PLAA: variants seen among roughly 807,000 people sequenced by gnomAD.
The protein encoded by PLAA is phospholipase A-2-activating protein.
Under a neutral mutation model 84.1 loss-of-function variants are expected in PLAA, and 48 were observed. That is an observed-to-expected ratio of 0.57 (90% CI 0.45 to 0.73). The LOEUF is 0.73. Ranked by LOEUF, PLAA falls within the 30% of genes least tolerant of loss-of-function variation. The pLI is 0.00. For synonymous variants in PLAA, 392 were observed against 336.6 expected, an observed-to-expected ratio of 1.16 and a Z score of -1.80; for missense variants, 903 against 954.7, an observed-to-expected ratio of 0.95 and a Z score of 0.71.
chr9:26,934,905 A>G (rs1242406666), intron 2 of PLAA, 108 bp downstream of exon 2: 2 of 808,296 alleles, frequency 2.5e-6, no homozygotes, highest in African/African-American at 1.8e-5. Flanking sequence ...AACCACAGAT[A>G]TAGGTAAAAC....
chr9:26,918,679 T>C (rs1212072212), intron 9 of PLAA, among the ~76,000 whole-genome samples: 1 of 152,180 alleles, frequency 6.6e-6, no homozygotes, highest in Non-Finnish European at 1.5e-5. Context: ...AAAGTGCCTA[T>C]CTCAAAATGT....
chr9:26,945,527 G>C (rs1487452467), intron 1 of PLAA, among the ~76,000 whole-genome samples: 1 of 152,116 alleles, frequency 6.6e-6, no homozygotes, highest in Non-Finnish European at 1.5e-5. Context: ...TAGCCTAGTG[G>C]ACCATCTTGT....
At chr9:26,918,701 G>C (rs748278197) in intron 9 of PLAA, among the ~76,000 whole-genome samples, 1 of 152,080 alleles carries the variant, frequency 6.6e-6, no homozygotes, top group Non-Finnish European at 1.5e-5. Flanking sequence ...ATTTAGAGGA[G>C]GCATTTTATT....
In PLAA at chr9:26,929,284, G is replaced by GT. The variant is rs1825090555; in HGVS notation, c.344-877dup. ...CTAGCATTTTGAACTGAGCTCAGGAGTTTGAGACCAGCCTGGGGCAATATA... is the reference window on the plus strand; with the variant it reads ...CTAGCATTTTGAACTGAGCTCAGGAGTTTTGAGACCAGCCTGGGGCAATATA... On this transcript the variant is annotated intron_variant, in intron 2 of 13. Transcript: ENST00000397292. Among the ~76,000 whole-genome samples the GT allele has an allele frequency of 1.3e-5, 2 of 152,128 alleles. 1 individual carries two copies. The highest frequency in any genetic ancestry group is 4.1e-4 in the South Asian group (2 of 4,824).
At chr9:26,923,801 G>A (rs948413713) in intron 6 of PLAA, among the ~76,000 whole-genome samples, 32 of 151,862 alleles carry the variant, frequency 2.1e-4, no homozygotes, top group Middle Eastern at 3.4e-3. Context: ...TTCAATCAAG[G>A]AAAAAAAATG....
chr9:26,933,556 A>T (rs562389361), intron 2 of PLAA, among the ~76,000 whole-genome samples: 6 of 151,902 alleles, frequency 3.9e-5, no homozygotes, highest in Non-Finnish European at 7.4e-5. Flanking sequence ...TGGAAGGCCG[A>T]GGGGGGCAAA....
intron 11 of PLAA, among the ~76,000 whole-genome samples, chr9:26,912,275 G>C (rs962789590): frequency 6.6e-6 from 1 of 152,204 alleles, no homozygotes; most frequent in African/African-American, 2.4e-5. Flanking sequence ...AAAGAAAACA[G>C]TGAGTTCAAA....
intron 5 of PLAA, 78 bp downstream of exon 5, chr9:26,926,315 C>T: frequency 1.1e-6 from 1 of 893,976 alleles, no homozygotes; most frequent in East Asian, 2.4e-5. Flanking sequence ...GTAATCAGCT[C>T]TCCTCCCTCC....
intron 13 of PLAA, 67 bp downstream of exon 13, chr9:26,907,767 A>G: frequency 7.6e-7 from 1 of 1,315,464 alleles, no homozygotes; most frequent in Admixed American, 2.2e-5. Context: ...AAATACCAGT[A>G]ATATTGATAG....
At chr9:26,917,257 G>A in intron 9 of PLAA, 92 bp from the exon 10 acceptor site, 1 of 986,934 alleles carries the variant, frequency 1.0e-6, no homozygotes, top group East Asian at 2.4e-5. Context: ...ACCTACATTT[G>A]GAGAAAAACA....
rs954164699 is a variant in PLAA, at chr9:26,904,482, TTAAG to T, written c.*1025_*1028del. ...TAGAAAGTATAGCATAGCATGTACT[TTAAG>T]TAGTTAACTCCCTCTTGGCTTCACT... On this transcript the variant is annotated 3_prime_UTR_variant, in exon 14 of 14. Transcript: ENST00000397292. 7 of 152,168 alleles carry T rather than the reference TTAAG, an allele frequency of 4.6e-5. No individual in the cohort carries two copies. Among genetic ancestry groups the T allele is most frequent in the African/African-American group, 1.4e-4 (6 of 41,454 alleles). The allele number at this position is 152,168 out of a possible 1,614,324, so 9.4% of individuals were successfully genotyped here. A position where few individuals can be genotyped will look rare whatever the true frequency, so the allele number is the denominator to read the frequency against.
intron 12 of PLAA, among the ~76,000 whole-genome samples, chr9:26,909,558 T>C (rs1824335754): frequency 1.3e-5 from 2 of 152,140 alleles, no homozygotes; most frequent in Admixed American, 6.5e-5. Flanking sequence ...AAACACTGTA[T>C]TTTGTTTTGA....
chr9:26,925,452 C>T lies in PLAA; in HGVS notation c.869+373G>A, dbSNP rs572810893. 2.0e-5 allele frequency among the ~76,000 whole-genome samples: 3 copies of T among 152,328 alleles called. No individual in the cohort carries two copies. In the South Asian group the frequency reaches 6.2e-4, roughly 32 times the overall value. Reference sequence around the variant, plus strand: ...AGGAAACTTATACTCTTAGCTTTGACAAAAATTTGCGTATCTTTTCTCACT... The same window carrying T: ...AGGAAACTTATACTCTTAGCTTTGATAAAAATTTGCGTATCTTTTCTCACT... On this transcript the variant is annotated intron_variant, in intron 6 of 13. Transcript: ENST00000397292.
At position 26,921,861 on chromosome 9, in the gene PLAA, A is replaced by T. The variant is rs545767999; in HGVS notation, c.1039+1317T>A. On this transcript the variant is annotated intron_variant, in intron 7 of 13. Transcript: ENST00000397292. ...TGTTATTACCACTAGTATCAATACAAATGGGAAGCTACTAAGTTCCTGGTG... is the reference window on the plus strand; with the variant it reads ...TGTTATTACCACTAGTATCAATACATATGGGAAGCTACTAAGTTCCTGGTG... 1.5e-4 allele frequency among the ~76,000 whole-genome samples: 23 copies of T among 152,374 alleles called. No homozygotes were observed. In the South Asian group the frequency reaches 4.6e-3, roughly 30 times the overall value.
At chr9:26,937,198 T>C (rs1825387269) in intron 1 of PLAA, among the ~76,000 whole-genome samples, 1 of 152,164 alleles carries the variant, frequency 6.6e-6, no homozygotes, top group Non-Finnish European at 1.5e-5. Flanking sequence ...ATTTTCCTCT[T>C]CTGGGAGCAA....
intron 13 of PLAA, among the ~76,000 whole-genome samples, chr9:26,906,401 G>A (rs948663824): frequency 1.4e-5 from 2 of 146,742 alleles, no homozygotes; most frequent in South Asian, 2.2e-4. Flanking sequence ...CTGTAAGACC[G>A]AACAATTAAA....
At chr9:26,911,252 A>C (rs1824389780) in intron 11 of PLAA, among the ~76,000 whole-genome samples, 1 of 152,128 alleles carries the variant, frequency 6.6e-6, no homozygotes, top group Non-Finnish European at 1.5e-5. Context: ...TCCTGAGTTC[A>C]AGCAATTCTC....
intron 1 of PLAA, among the ~76,000 whole-genome samples, chr9:26,939,686 T>C (rs533146934): frequency 1.5e-3 from 229 of 151,800 alleles, no homozygotes; most frequent in African/African-American, 5.3e-3. Flanking sequence ...ACAAATATAC[T>C]GAAAGTGATA....
chr9:26,946,513 A>G (rs773834273), intron 1 of PLAA, among the ~76,000 whole-genome samples: 155 of 94,982 alleles, frequency 1.6e-3, no homozygotes, highest in Non-Finnish European at 1.8e-3. Flanking sequence ...ATCTTCTTCG[A>G]AAAAAAAAAA....
Sources: gnomAD v4.1 joint callset for allele counts (sites outside exome capture counted in the v4.1 genomes callset) on GRCh38, gnomAD v4.1.1 for gene constraint, MANE v1.5 for transcripts, NCBI Gene and HGNC (gene_info 2026-07-23, HGNC 2026-07-21) for gene names.